ITFG1: variants seen among roughly 807,000 people sequenced by gnomAD.
The protein encoded by ITFG1 is T-cell immunomodulatory protein.
A neutral mutation model predicts 81.8 loss-of-function variants in ITFG1; 34 were observed. The ratio of observed to expected loss-of-function variants is 0.42; its 90% CI spans 0.32 to 0.55. The LOEUF is 0.55. Among genes scored for constraint, ITFG1 ranks in the 20% least tolerant of loss-of-function variants. The pLI, the probability that ITFG1 is intolerant of heterozygous loss-of-function variation, is 0.17. For synonymous variants in ITFG1, 285 were observed against 270.6 expected (o/e 1.05, Z -0.52); for missense variants, 672 against 755.4 (o/e 0.89, Z 1.29).
chr16:47,200,054 G>A (rs1466961303), intron 14 of ITFG1, among the ~76,000 whole-genome samples: 1 of 151,798 alleles, frequency 6.6e-6, no homozygotes, highest in East Asian at 1.9e-4. Flanking sequence ...TTGTTTGCCT[G>A]CTGTTCACCT....
intron 8 of ITFG1, among the ~76,000 whole-genome samples, chr16:47,325,405 A>G (rs1411848521): frequency 6.6e-6 from 1 of 152,240 alleles, no homozygotes; most frequent in Non-Finnish European, 1.5e-5. Context: ...TAACATCACA[A>G]TTAAAAGAAC....
intron 10 of ITFG1, among the ~76,000 whole-genome samples, chr16:47,290,738 T>C (rs1213553743): frequency 6.6e-6 from 1 of 152,152 alleles, no homozygotes; most frequent in African/African-American, 2.4e-5. Context: ...AGATGGGCCA[T>C]ATTTGTTTTT....
intron 5 of ITFG1, among the ~76,000 whole-genome samples, chr16:47,440,810 A>G (rs1430112410): frequency 6.6e-6 from 1 of 152,196 alleles, no homozygotes; most frequent in Admixed American, 6.5e-5. Context: ...TTCAAAAGCT[A>G]GCAGAAGGCA....
chr16:47,410,223 G>A (rs1042858949), intron 6 of ITFG1, among the ~76,000 whole-genome samples: 17 of 152,146 alleles, frequency 1.1e-4, no homozygotes, highest in African/African-American at 4.1e-4. Flanking sequence ...AGGCTCCTGT[G>A]AGCTGTGATG....
At chr16:47,414,474 T>A (rs550279578) in intron 6 of ITFG1, among the ~76,000 whole-genome samples, 14 of 151,942 alleles carry the variant, frequency 9.2e-5, no homozygotes, top group African/African-American at 3.4e-4. Flanking sequence ...TTCGGTGAGC[T>A]GAGCTCCCGA....
chr16:47,449,058 T>C (rs1434165871), intron 5 of ITFG1: 2 of 152,220 alleles, frequency 1.3e-5, no homozygotes, highest in Admixed American at 1.3e-4. Context: ...TCTGCACCTT[T>C]AGTCCAGCCA....
At chr16:47,197,606 A>G (rs1965374287) in intron 14 of ITFG1, among the ~76,000 whole-genome samples, 1 of 152,242 alleles carries the variant, frequency 6.6e-6, no homozygotes, top group African/African-American at 2.4e-5. Context: ...GGCCATGGTC[A>G]CTCAAATTGG....
chr16:47,172,835 T>C (rs1168129540), intron 14 of ITFG1, among the ~76,000 whole-genome samples: 6 of 152,212 alleles, frequency 3.9e-5, no homozygotes, highest in African/African-American at 2.4e-5. Flanking sequence ...GTTGGTCTCA[T>C]TGCTTTAACT....
At chr16:47,183,315 C>A (rs1965158901) in intron 14 of ITFG1, among the ~76,000 whole-genome samples, 1 of 152,232 alleles carries the variant, frequency 6.6e-6, no homozygotes, top group South Asian at 2.1e-4. Context: ...GTAGGCTCCA[C>A]CTCTGGGGGC....
rs186056006 is a variant in ITFG1, at chr16:47,224,029, C to T, written c.1375-5083G>A. On this transcript the variant is annotated intron_variant, in intron 13 of 17. Coordinates refer to ENST00000320640, the MANE Select transcript of ITFG1 (RefSeq NM_030790.5). The stretch of plus-strand genomic sequence containing the variant: ...GAATTGAACAATGAGAACACATGGA[C>T]ACAGGAAGGGGAACATCACACTCTG... Among the ~76,000 whole-genome samples, 13 of 132,232 alleles carry T rather than the reference C, an allele frequency of 9.8e-5. No individual in the cohort carries two copies. In the East Asian group the frequency reaches 2.8e-3, roughly 29 times the overall value. 86.7% of individuals were successfully genotyped at this position (132,232 alleles called of 152,430 possible).
chr16:47,325,673 C>T (rs1373837560), intron 8 of ITFG1, among the ~76,000 whole-genome samples: 1 of 152,102 alleles, frequency 6.6e-6, no homozygotes, highest in Admixed American at 6.5e-5. Context: ...ATACAAACTA[C>T]CATCAGAGAA....
chr16:47,260,231 C>T (rs1431034450), intron 11 of ITFG1, among the ~76,000 whole-genome samples: 1 of 152,118 alleles, frequency 6.6e-6, no homozygotes, highest in African/African-American at 2.4e-5. Flanking sequence ...GCCACCGCGC[C>T]CGGCCTGTTG....
chr16:47,252,499 A>C (rs1020885253), intron 12 of ITFG1, among the ~76,000 whole-genome samples: 1 of 152,248 alleles, frequency 6.6e-6, no homozygotes, highest in Non-Finnish European at 1.5e-5. Flanking sequence ...TAAGTTCTAG[A>C]CTAGAATTAA....
chr16:47,379,012 G>A (rs758116743), intron 6 of ITFG1, among the ~76,000 whole-genome samples: 5 of 152,164 alleles, frequency 3.3e-5, no homozygotes, highest in Non-Finnish European at 7.3e-5. Context: ...TAGAAATATT[G>A]CTGGTAGACA....
intron 12 of ITFG1, among the ~76,000 whole-genome samples, chr16:47,243,137 T>G (rs1188718429): frequency 6.6e-6 from 1 of 152,178 alleles, no homozygotes; most frequent in Non-Finnish European, 1.5e-5. Flanking sequence ...AGGAACTCAT[T>G]AAATTATGTT....
At chr16:47,350,391 G>A (rs1482038740) in intron 8 of ITFG1, among the ~76,000 whole-genome samples, 8 of 152,076 alleles carry the variant, frequency 5.3e-5, no homozygotes, top group Non-Finnish European at 1.0e-4. Context: ...TATCACCACC[G>A]ATCCCACAGA....
At chr16:47,368,826 G>GTCT (rs1412223009) in intron 7 of ITFG1, among the ~76,000 whole-genome samples, 1 of 152,110 alleles carries the variant, frequency 6.6e-6, no homozygotes, top group Non-Finnish European at 1.5e-5. Flanking sequence ...AGCCTTCCAT[G>GTCT]TCTTCTAAGA....
chr16:47,244,106 G>A (rs551524494), intron 12 of ITFG1, among the ~76,000 whole-genome samples: 1 of 152,224 alleles, frequency 6.6e-6, no homozygotes, highest in South Asian at 2.1e-4. Context: ...AGCACATCCT[G>A]TATGATTTCA....
chr16:47,341,556 C>T (rs1166051293), intron 8 of ITFG1, among the ~76,000 whole-genome samples: 3 of 151,596 alleles, frequency 2.0e-5, no homozygotes. Flanking sequence ...TCAAGAACAC[C>T]TTGAGAAACC....
Sources: allele counts gnomAD v4.1 joint callset (sites outside exome capture counted in the v4.1 genomes callset), GRCh38; gene constraint gnomAD v4.1.1; transcripts MANE v1.5; gene names NCBI Gene and HGNC (gene_info 2026-07-23, HGNC 2026-07-21).